The following CDK15 variants were observed in gnomAD, a reference collection of about 807,000 sequenced individuals.
The protein encoded by CDK15 is cyclin dependent kinase 15, also known as cyclin-dependent kinase 15.
In CDK15, 62 loss-of-function variants were observed where a neutral mutation model predicts 60.3. The observed-to-expected ratio is 1.03, with a 90% CI of 0.84 to 1.27. The LOEUF (loss-of-function observed/expected upper bound fraction) is 1.27, where lower values mean the gene tolerates loss of function less well. Ranked by LOEUF, CDK15 falls within the 50% of genes most tolerant of loss-of-function variation. The pLI, the probability that CDK15 is intolerant of heterozygous loss-of-function variation, is 0.00. For missense variants in CDK15, 541 were observed against 527.8 expected (o/e 1.03, Z -0.25); for synonymous variants, 194 against 195.7 (o/e 0.99, Z 0.07).
At chr2:201,816,671 T>C (rs1429611506) in intron 4 of CDK15, among the ~76,000 whole-genome samples, 1 of 151,986 alleles carries the variant, frequency 6.6e-6, no homozygotes. Flanking sequence ...AATTGCTGGG[T>C]CAAATGGTAA....
intron 9 of CDK15, among the ~76,000 whole-genome samples, chr2:201,852,429 G>A (rs924941398): frequency 6.6e-6 from 1 of 152,184 alleles, no homozygotes; most frequent in African/African-American, 2.4e-5. Flanking sequence ...TTTCTGAAGT[G>A]CCTGTAGTGT....
rs1382243307 is a variant in CDK15, at chr2:201,854,890, C to CTCCAAGTATCCA, written c.962_963insTCCAAGTATCCA (p.Thr321_Glu322insProSerIleGln). On this transcript the variant is annotated inframe_insertion, in exon 10 of 14. Coordinates refer to ENST00000652192, the MANE Select transcript of CDK15 (RefSeq NM_001366386.2). ...TTTATATAGGTGCTGGGAGTCCCTA[C>CTCCAAGTATCCA]AGAGGATACTTGGCCGGGAGTCTCC... The CTCCAAGTATCCA allele has an allele frequency of 1.2e-6, 2 of 1,613,958 alleles. No individual in the cohort carries two copies. Among genetic ancestry groups the CTCCAAGTATCCA allele is most frequent in the African/African-American group, 2.7e-5 (2 of 74,896 alleles).
intron 7 of CDK15, among the ~76,000 whole-genome samples, chr2:201,834,823 C>T (rs963944288): frequency 6.6e-6 from 1 of 152,216 alleles, no homozygotes; most frequent in Non-Finnish European, 1.5e-5. Context: ...GAGATGGCAG[C>T]TTTTATCCTG....
intron 6 of CDK15, among the ~76,000 whole-genome samples, chr2:201,830,803 A>G (rs1416864725): frequency 6.6e-6 from 1 of 152,214 alleles, no homozygotes; most frequent in East Asian, 1.9e-4. Flanking sequence ...GTAGAGAAGT[A>G]ATGGTTTTGA....
At chr2:201,847,556 C>A in intron 9 of CDK15, 82 bp downstream of exon 9, 1 of 1,138,986 alleles carries the variant, frequency 8.8e-7, no homozygotes, top group Non-Finnish European at 1.3e-6. Flanking sequence ...ACAAATGAAG[C>A]AGTCCATCTG....
At chr2:201,861,512 A>G (rs1698389245) in intron 10 of CDK15, 2 of 980,620 alleles carry the variant, frequency 2.0e-6, no homozygotes, top group African/African-American at 1.8e-5. Flanking sequence ...TTTAGTAGGT[A>G]CTCAATAAAA....
intron 4 of CDK15, among the ~76,000 whole-genome samples, chr2:201,822,517 G>C (rs1364965139): frequency 6.6e-6 from 1 of 152,186 alleles, no homozygotes; most frequent in Non-Finnish European, 1.5e-5. Context: ...TTCCCAGAGG[G>C]GAGCATTTAG....
chr2:201,822,880 C>T lies in CDK15; in HGVS notation c.520C>T (p.Leu174=), dbSNP rs1246492762. The T allele has an allele frequency of 1.2e-6, 2 of 1,610,964 alleles. No homozygotes were observed. Among genetic ancestry groups the T allele is most frequent in the African/African-American group, 2.7e-5 (2 of 74,864 alleles). ...TGACATAATCCACACCAAAGAGACACTGACATTCGTTTTTGAATACATGGT... is the reference window on the plus strand; with the variant it reads ...TGACATAATCCACACCAAAGAGACATTGACATTCGTTTTTGAATACATGGT... ...LHDIIHTKET[L]TFVFEYMHTD... Residue 174 remains leucine (L), a synonymous_variant, in exon 5 of 14, where the codon CTG becomes TTG. Coordinates refer to ENST00000652192, the MANE Select transcript of CDK15 (RefSeq NM_001366386.2).
At chr2:201,878,144 GCA>G (rs1438615387) in intron 11 of CDK15, among the ~76,000 whole-genome samples, 4 of 152,224 alleles carry the variant, frequency 2.6e-5, no homozygotes, top group Non-Finnish European at 4.4e-5. Context: ...GCTGGGATAT[GCA>G]CAGTTTTCCC....
At chr2:201,888,514 A>G in intron 12 of CDK15, 2 of 1,531,142 alleles carry the variant, frequency 1.3e-6, no homozygotes, top group South Asian at 2.4e-5. Flanking sequence ...ATGAGGAGTC[A>G]CCAGAGTGGA....
chr2:201,833,716 CT>C (rs768867701), intron 6 of CDK15, 131 bp from the exon 7 acceptor site: 6,319 of 169,670 alleles, frequency 0.037, 32 homozygotes, highest in African/African-American at 0.057. Flanking sequence ...TCTTCTTCTT[CT>C]TTTTTTTTTT....
chr2:201,836,068 T>TTA (rs1553523964), intron 8 of CDK15, among the ~76,000 whole-genome samples: 33 of 14,576 alleles, frequency 2.3e-3, no homozygotes, highest in Admixed American at 8.0e-3. Context: ...TTATATATAT[T>TTA]TATATTTATA....
At chr2:201,891,047 C>G in intron 13 of CDK15, 120 bp downstream of exon 13, 1 of 570,928 alleles carries the variant, frequency 1.8e-6, no homozygotes, top group Non-Finnish European at 3.1e-6. Flanking sequence ...TTCTTCTTCG[C>G]CAGCTCTAGG....
At chr2:201,821,822 C>A (rs752045284) in intron 4 of CDK15, among the ~76,000 whole-genome samples, 8 of 152,076 alleles carry the variant, frequency 5.3e-5, no homozygotes, top group Non-Finnish European at 1.0e-4. Flanking sequence ...AGGTGTGCAC[C>A]ACCAGGCCCC....
chr2:201,809,479 G>T (rs777926085), intron 3 of CDK15, among the ~76,000 whole-genome samples: 1 of 151,880 alleles, frequency 6.6e-6, no homozygotes, highest in Non-Finnish European at 1.5e-5. Context: ...TAGATCTCAC[G>T]AATACTTGAA....
At chr2:201,840,449 A>G (rs1208769882) in intron 8 of CDK15, among the ~76,000 whole-genome samples, 1 of 152,110 alleles carries the variant, frequency 6.6e-6, no homozygotes, top group Admixed American at 6.5e-5. Context: ...CTTTGAAGCT[A>G]TTTTCACTAA....
chr2:201,824,755 C>A, intron 6 of CDK15: 1 of 686,952 alleles, frequency 1.5e-6, no homozygotes, highest in Non-Finnish European at 2.1e-6. Context: ...AGTTATCCTT[C>A]AAGAGCTTCA....
intron 10 of CDK15, among the ~76,000 whole-genome samples, chr2:201,866,883 G>A (rs772152290): frequency 6.6e-6 from 1 of 152,116 alleles, no homozygotes; most frequent in South Asian, 2.1e-4. Context: ...CTGCTTAATA[G>A]CAGCTCCCTG....
At position 201,826,141 on chromosome 2, in the gene CDK15, C is replaced by T. The variant is rs192999144; in HGVS notation, c.606+2414C>T. ...ATCTAGTACTGTAGATGTGCAACGG[C>T]ATCAAAGATATCTTCTAGTTTCAAG... On this transcript the variant is annotated intron_variant, in intron 6 of 13. Transcript: ENST00000652192. Among the ~76,000 whole-genome samples the T allele has an allele frequency of 2.2e-4, 34 of 152,320 alleles. 1 individual carries two copies. The East Asian group carries it at 6.2e-3, about 28-fold the overall frequency.
Sources: allele counts gnomAD v4.1 joint callset (sites outside exome capture counted in the v4.1 genomes callset), GRCh38; gene constraint gnomAD v4.1.1; transcripts MANE v1.5; gene names NCBI Gene and HGNC (gene_info 2026-07-23, HGNC 2026-07-21).